The following PALS2 variants were observed in gnomAD, a reference collection of about 807,000 sequenced individuals.
PALS2 encodes the protein protein PALS2.
PALS2 carries 27 observed loss-of-function variants against 61.6 expected under a neutral mutation model. The observed-to-expected ratio is 0.44, with a 90% CI of 0.32 to 0.60. The LOEUF is 0.60. Ranked by LOEUF, PALS2 falls within the 20% of genes least tolerant of loss-of-function variation. PALS2 has a pLI of 0.05. For missense variants in PALS2, 554 were observed against 639.4 expected, an observed-to-expected ratio of 0.87 and a Z score of 1.44; for synonymous variants, 236 against 218.6, an observed-to-expected ratio of 1.08 and a Z score of -0.70.
chr7:24,614,515 T>C (rs1307419501), intron 1 of PALS2, among the ~76,000 whole-genome samples: 2 of 151,924 alleles, frequency 1.3e-5, no homozygotes, highest in Non-Finnish European at 2.9e-5. Flanking sequence ...GACAAGGACA[T>C]TGTAGTAAAA....
intron 1 of PALS2, among the ~76,000 whole-genome samples, chr7:24,619,492 C>T (rs1053876701): frequency 2.6e-5 from 4 of 151,876 alleles, no homozygotes; most frequent in Non-Finnish European, 5.9e-5. Context: ...CCGAGGTGGG[C>T]GGATCAGGAG....
intron 1 of PALS2, among the ~76,000 whole-genome samples, chr7:24,590,610 G>A (rs761727255): frequency 3.9e-5 from 6 of 152,026 alleles, no homozygotes; most frequent in Non-Finnish European, 8.8e-5. Context: ...TTGGCCAACA[G>A]GCATGTTTTT....
chr7:24,583,487 G>C (rs1782928461), intron 1 of PALS2, among the ~76,000 whole-genome samples: 1 of 152,038 alleles, frequency 6.6e-6, no homozygotes, highest in South Asian at 2.1e-4. Context: ...GGAAATACCA[G>C]ATACTATACA....
intron 2 of PALS2, among the ~76,000 whole-genome samples, chr7:24,626,710 AAAAG>A (rs767323734): frequency 3.7e-4 from 57 of 152,302 alleles, no homozygotes; most frequent in Non-Finnish European, 6.9e-4. Context: ...AAAGCAAAAA[AAAAG>A]GGATTGCGAT....
chr7:24,631,442 A>C (rs1192982842), intron 2 of PALS2, among the ~76,000 whole-genome samples: 1 of 152,234 alleles, frequency 6.6e-6, no homozygotes, highest in Non-Finnish European at 1.5e-5. Context: ...GGAGGAGCAA[A>C]GAAAGTGGTC....
intron 1 of PALS2, among the ~76,000 whole-genome samples, chr7:24,577,036 G>C (rs1383831671): frequency 6.6e-6 from 1 of 152,114 alleles, no homozygotes; most frequent in African/African-American, 2.4e-5. Flanking sequence ...AATGAACTCA[G>C]TAAACAGAGG....
chr7:24,585,277 G>A (rs1783016936), intron 1 of PALS2, among the ~76,000 whole-genome samples: 2 of 151,606 alleles, frequency 1.3e-5, no homozygotes, highest in Admixed American at 6.6e-5. Context: ...TGACGATATT[G>A]ATTCTTCCTA....
chr7:24,609,508 A>G (rs1784038704), intron 1 of PALS2, among the ~76,000 whole-genome samples: 1 of 152,164 alleles, frequency 6.6e-6, no homozygotes, highest in African/African-American at 2.4e-5. Flanking sequence ...ATTAAGGGGA[A>G]CTTTTGGTTG....
chr7:24,687,520 A>G lies in PALS2; in HGVS notation c.1529A>G (p.Asn510Ser), dbSNP rs1788268818. The G allele has an allele frequency of 1.2e-6, 2 of 1,613,288 alleles. No homozygotes were observed. The highest frequency in any genetic ancestry group is 1.7e-6 in the Non-Finnish European group (2 of 1,179,732). Reference sequence around the variant, plus strand: ...CACTATTTTGATTTGATCATCATAAATGATAATCTAGACAAAGCCTTTGAA... The same window carrying G: ...CACTATTTTGATTTGATCATCATAAGTGATAATCTAGACAAAGCCTTTGAA... ...YNHYFDLIII[N>S]DNLDKAFEKL... The change falls in exon 12 of 12, where the codon AAT becomes AGT. Residue 510 changes from asparagine (N) to serine (S), a missense_variant. Coordinates refer to ENST00000222644, the MANE Select transcript of PALS2 (RefSeq NM_001303037.2). The surrounding 1 kb of genome is among the most constrained non-coding windows in gnomAD (Gnocchi z 4.5).
intron 3 of PALS2, among the ~76,000 whole-genome samples, chr7:24,645,036 A>G (rs560322733): frequency 5.9e-5 from 9 of 152,190 alleles, no homozygotes; most frequent in Non-Finnish European, 1.2e-4. Flanking sequence ...TGGATACTAG[A>G]CATTTGTCAG....
chr7:24,595,866 G>C (rs1399830932), intron 1 of PALS2, among the ~76,000 whole-genome samples: 1 of 151,196 alleles, frequency 6.6e-6, no homozygotes, highest in East Asian at 1.9e-4. Context: ...GGATCTCTGG[G>C]AAGAGCATTT....
At chr7:24,623,985 G>T in intron 2 of PALS2, 1 of 1,107,758 alleles carries the variant, frequency 9.0e-7, no homozygotes. Context: ...TTAAATACAG[G>T]ATGAAATGAC....
chr7:24,642,891 T>G (rs1785636901), intron 3 of PALS2, among the ~76,000 whole-genome samples: 1 of 152,008 alleles, frequency 6.6e-6, no homozygotes, highest in South Asian at 2.1e-4. Flanking sequence ...ACTTTAGGTG[T>G]GGAGGGGGAG....
Position 24,687,508 on chromosome 7 carries a change from T to C in PALS2, c.1517T>C (p.Leu506Ser), listed in dbSNP as rs1296343700. ...IQRAYNHYFD[L>S]IIINDNLDKA... ...AGAGCATACAACCACTATTTTGATT[T>C]GATCATCATAAATGATAATCTAGAC... Residue 506 changes from leucine (L) to serine (S), a missense_variant, in exon 12 of 12, where the codon TTG becomes TCG. By Grantham distance (145) the Leu-to-Ser change is moderately radical (BLOSUM62 -2). Coordinates refer to ENST00000222644, the MANE Select transcript of PALS2 (RefSeq NM_001303037.2). The surrounding 1 kb of genome is among the most constrained non-coding windows in gnomAD (Gnocchi z 4.5). The C allele has an allele frequency of 1.2e-6, 2 of 1,612,988 alleles. No individual in the cohort carries two copies. The highest frequency in any genetic ancestry group is 1.7e-6 in the Non-Finnish European group (2 of 1,179,508).
chr7:24,607,686 T>A (rs193172386), intron 1 of PALS2, among the ~76,000 whole-genome samples: 1 of 151,826 alleles, frequency 6.6e-6, no homozygotes, highest in African/African-American at 2.4e-5. Flanking sequence ...CATATGTGTG[T>A]GTATGTGTAT....
In PALS2 at chr7:24,580,492, T is replaced by C. The variant is rs1010022912; in HGVS notation, c.-3+6899T>C. 1.8e-4 allele frequency among the ~76,000 whole-genome samples: 27 copies of C among 152,244 alleles called. 1 individual carries two copies. The highest frequency in any genetic ancestry group is 6.5e-4 in the African/African-American group (27 of 41,464). On this transcript the variant is annotated intron_variant, in intron 1 of 11. Coordinates refer to ENST00000222644, the MANE Select transcript of PALS2 (RefSeq NM_001303037.2). Reference sequence around the variant, plus strand: ...TGGTCTCTCACCAGGTCAATACTTCTGCACATACCTCATTGATCCCCATTG... The same window carrying C: ...TGGTCTCTCACCAGGTCAATACTTCCGCACATACCTCATTGATCCCCATTG...
In PALS2 at chr7:24,660,445, G is replaced by A. The variant is rs547023319; in HGVS notation, c.652-3145G>A. ...CTTTCACCTCCTTTTTCATAGAAAG[G>A]TTGCATAGTACACATGCTATTCTGA... On this transcript the variant is annotated intron_variant, in intron 5 of 11. Coordinates refer to ENST00000222644, the MANE Select transcript of PALS2 (RefSeq NM_001303037.2). Among the ~76,000 whole-genome samples the A allele has an allele frequency of 9.2e-5, 14 of 152,048 alleles. No individual in the cohort carries two copies. The South Asian group carries it at 2.9e-3, about 32-fold the overall frequency.
chr7:24,632,402 CTT>C (rs1421964425), intron 2 of PALS2, among the ~76,000 whole-genome samples: 1 of 152,018 alleles, frequency 6.6e-6, no homozygotes, highest in Non-Finnish European at 1.5e-5. Context: ...CTGACAGTCT[CTT>C]TGTTTTTTTA....
intron 3 of PALS2, among the ~76,000 whole-genome samples, chr7:24,643,147 G>A (rs1785650804): frequency 6.6e-6 from 1 of 152,110 alleles, no homozygotes; most frequent in Admixed American, 6.5e-5. Context: ...GTTGAATGAG[G>A]TAAGGAACAC....
Sources: gnomAD v4.1 joint callset for allele counts (sites outside exome capture counted in the v4.1 genomes callset) on GRCh38, gnomAD v4.1.1 for gene constraint, Gnocchi (gnomAD v3.1) non-coding constraint, MANE v1.5 for transcripts, NCBI Gene and HGNC (gene_info 2026-07-23, HGNC 2026-07-21) for gene names.